CDH18: variants seen among roughly 807,000 people sequenced by gnomAD.
CDH18 encodes cadherin 18, also known as cadherin-18.
Under a neutral mutation model 67.9 loss-of-function variants are expected in CDH18, and 31 were observed. That is an observed-to-expected ratio of 0.46 (90% confidence interval 0.34 to 0.62). The LOEUF is 0.62. Among genes scored for constraint, CDH18 ranks in the 20% least tolerant of loss-of-function variants. The pLI, the probability that CDH18 is intolerant of heterozygous loss-of-function variation, is 0.01. For missense variants in CDH18, 890 were observed against 975.5 expected (o/e 0.91, Z 1.17); for synonymous variants, 362 against 347.2 (o/e 1.04, Z -0.48).
chr5:20,354,583 G>C (rs1741454592), intron 1 of CDH18, among the ~76,000 whole-genome samples: 1 of 152,062 alleles, frequency 6.6e-6, no homozygotes, highest in Non-Finnish European at 1.5e-5. Flanking sequence ...TGTACAGGCA[G>C]GGTCTTGCTA....
intron 11 of CDH18, among the ~76,000 whole-genome samples, chr5:19,499,732 C>A (rs181433196): frequency 6.6e-6 from 1 of 151,992 alleles, no homozygotes; most frequent in East Asian, 1.9e-4. Context: ...TGATTTCTTT[C>A]TCAATTCATT....
chr5:19,802,237 A>G (rs560855050), intron 3 of CDH18, among the ~76,000 whole-genome samples: 44 of 152,270 alleles, frequency 2.9e-4, no homozygotes, highest in African/African-American at 1.1e-3. Flanking sequence ...TAATTTTGAT[A>G]TAACAATAGG....
chr5:20,406,861 G>C (rs1277591271), intron 1 of CDH18, among the ~76,000 whole-genome samples: 2 of 152,080 alleles, frequency 1.3e-5, no homozygotes, highest in Non-Finnish European at 2.9e-5. Context: ...AAAGGCTTTG[G>C]CATGCTTCGT....
At chr5:20,279,799 A>AT (rs1478671814) in intron 1 of CDH18, among the ~76,000 whole-genome samples, 1 of 149,922 alleles carries the variant, frequency 6.7e-6, no homozygotes, top group Non-Finnish European at 1.5e-5. Flanking sequence ...CACTTTCAGG[A>AT]TTGGACAGAT....
intron 1 of CDH18, chr5:20,304,484 T>C (rs1453394750): frequency 1.9e-6 from 3 of 1,585,068 alleles, no homozygotes; most frequent in Middle Eastern, 1.7e-4. Context: ...CGCTTGGCCC[T>C]CCAATGGTTT....
At chr5:20,067,617 G>A (rs756483763) in intron 2 of CDH18, among the ~76,000 whole-genome samples, 11 of 151,890 alleles carry the variant, frequency 7.2e-5, no homozygotes, top group Non-Finnish European at 1.0e-4. Context: ...AACTAATTAC[G>A]AATTCAGACT....
At chr5:19,487,799 C>T (rs115592486) in intron 11 of CDH18, among the ~76,000 whole-genome samples, 1 of 152,092 alleles carries the variant, frequency 6.6e-6, no homozygotes, top group Non-Finnish European at 1.5e-5. Flanking sequence ...TGCCTACACT[C>T]TAATAATACC....
chr5:19,795,975 T>C (rs928781634), intron 3 of CDH18, among the ~76,000 whole-genome samples: 3 of 151,978 alleles, frequency 2.0e-5, no homozygotes, highest in Non-Finnish European at 4.4e-5. Flanking sequence ...GGTTGAGTAG[T>C]AGAGTGGAGA....
At chr5:20,505,565 C>T (rs1041022245) in intron 1 of CDH18, among the ~76,000 whole-genome samples, 1 of 152,086 alleles carries the variant, frequency 6.6e-6, no homozygotes, top group African/African-American at 2.4e-5. Flanking sequence ...TGAGCTCATG[C>T]CCACCTTCTA....
At chr5:19,660,111 C>T (rs1756955369) in intron 5 of CDH18, among the ~76,000 whole-genome samples, 2 of 151,988 alleles carry the variant, frequency 1.3e-5, no homozygotes, top group African/African-American at 4.8e-5. Context: ...CACAAGAATA[C>T]GTGTATGTTC....
intron 8 of CDH18, among the ~76,000 whole-genome samples, chr5:19,558,893 A>T (rs180856650): frequency 1.3e-5 from 2 of 151,694 alleles, no homozygotes; most frequent in Admixed American, 6.6e-5. Context: ...ACATATATGC[A>T]TCAGACCCTT....
intron 2 of CDH18, among the ~76,000 whole-genome samples, chr5:20,200,688 G>GA (rs1259141054): frequency 6.6e-6 from 1 of 151,570 alleles, no homozygotes; most frequent in Non-Finnish European, 1.5e-5. Flanking sequence ...ACAAAAAGAA[G>GA]AAAAATTTTA....
chr5:20,423,823 T>TA (rs1439214129), intron 1 of CDH18, among the ~76,000 whole-genome samples: 2 of 149,712 alleles, frequency 1.3e-5, no homozygotes, highest in Non-Finnish European at 2.9e-5. Flanking sequence ...GATGGGCGCC[T>TA]GTAGTCCCAG....
intron 2 of CDH18, among the ~76,000 whole-genome samples, chr5:20,189,350 A>T (rs961417943): frequency 3.9e-5 from 6 of 152,092 alleles, no homozygotes; most frequent in Non-Finnish European, 8.8e-5. Context: ...CTATCTATCC[A>T]TCGTGTGCTT....
intron 2 of CDH18, among the ~76,000 whole-genome samples, chr5:20,081,591 T>C (rs1217898184): frequency 2.0e-5 from 3 of 152,188 alleles, no homozygotes; most frequent in African/African-American, 7.2e-5. Context: ...ATATGGTGCA[T>C]ATATACCACA....
At chr5:19,591,977 A>T in intron 6 of CDH18, among the ~76,000 whole-genome samples, 1 of 152,120 alleles carries the variant, frequency 6.6e-6, no homozygotes, top group East Asian at 1.9e-4. Flanking sequence ...GGGTGAAGAC[A>T]GTGATATTTT....
chr5:20,201,887 G>A (rs909874340), intron 2 of CDH18, among the ~76,000 whole-genome samples: 9 of 152,146 alleles, frequency 5.9e-5, no homozygotes, highest in Admixed American at 5.9e-4. Context: ...AAATATCTGC[G>A]AAAGCAGTCA....
rs182589936 is a variant in CDH18, at chr5:19,531,990, T to C, written c.1391-11212A>G. 2.6e-5 allele frequency among the ~76,000 whole-genome samples: 4 copies of C among 152,264 alleles called. No homozygotes were observed. The East Asian group carries it at 7.7e-4, about 29-fold the overall frequency. On this transcript the variant is annotated intron_variant, in intron 9 of 12. Transcript: ENST00000382275. ...AGAAGAGAAATCCCTTTAACTTTTG[T>C]GGACGAAGGTTGTGGAAAGTGACTA... is the stretch of plus-strand genomic sequence containing the variant.
chr5:20,033,907 T>C (rs1384900261), intron 2 of CDH18, among the ~76,000 whole-genome samples: 1 of 152,090 alleles, frequency 6.6e-6, no homozygotes, highest in Non-Finnish European at 1.5e-5. Flanking sequence ...AAATACAGTA[T>C]AAATTTGATG....
Sources: allele counts gnomAD v4.1 joint callset (sites outside exome capture counted in the v4.1 genomes callset), GRCh38; gene constraint gnomAD v4.1.1; transcripts MANE v1.5; gene names NCBI Gene and HGNC (gene_info 2026-07-23, HGNC 2026-07-21).